TDRP: variants seen among roughly 807,000 people sequenced by gnomAD.
TDRP encodes testis development-related protein.
TDRP carries 12 observed loss-of-function variants against 10.5 expected under a neutral mutation model. The observed-to-expected ratio is 1.15, with a 90% CI of 0.73 to 1.86. The LOEUF (loss-of-function observed/expected upper bound fraction) is 1.86, where lower values mean the gene tolerates loss of function less well. Ranked by LOEUF, TDRP falls within the 40% of genes most tolerant of loss-of-function variation. TDRP has a pLI of 0.00. For synonymous variants in TDRP, 139 were observed against 95.4 expected (o/e 1.46, Z -2.67); for missense variants, 353 against 229.2 (o/e 1.54, Z -3.49).
At chr8:506,666 A>C (rs1486998892) in intron 1 of TDRP, among the ~76,000 whole-genome samples, 2 of 152,208 alleles carry the variant, frequency 1.3e-5, no homozygotes, top group East Asian at 3.9e-4. Flanking sequence ...CAGTTCCCAG[A>C]GCAGGACTGT....
chr8:511,791 C>T lies in TDRP; in HGVS notation c.109-17194G>A, dbSNP rs533981299. 2.0e-5 allele frequency among the ~76,000 whole-genome samples: 3 copies of T among 151,800 alleles called. No individual in the cohort carries two copies. In the East Asian group the frequency reaches 5.8e-4, roughly 29 times the overall value. ...AATTAGAAATGAGGCAGGAAAAACT[C>T]TCAAATATGTGGAAATTTTAAAACT... is the stretch of plus-strand genomic sequence containing the variant. On this transcript the variant is annotated intron_variant, in intron 1 of 2. Transcript: ENST00000324079.
At chr8:544,838 T>G, upstream of TDRP, 5 of 1,030,086 alleles carry the variant, frequency 4.9e-6, no homozygotes, top group Non-Finnish European at 5.0e-6. Flanking sequence ...ACGCTCTGCC[T>G]GCGGCTCCTG....
intron 1 of TDRP, among the ~76,000 whole-genome samples, chr8:508,703 C>A (rs932803511): frequency 6.6e-6 from 1 of 152,152 alleles, no homozygotes; most frequent in Non-Finnish European, 1.5e-5. Context: ...TCATTCCACC[C>A]CTGGCCCCTC....
At chr8:526,032 T>C (rs933995200) in intron 1 of TDRP, among the ~76,000 whole-genome samples, 1 of 152,218 alleles carries the variant, frequency 6.6e-6, no homozygotes, top group Non-Finnish European at 1.5e-5. Context: ...CTTCACAGGT[T>C]GTATGTATTT....
chr8:527,595 A>G (rs1802066617), intron 1 of TDRP, among the ~76,000 whole-genome samples: 1 of 152,186 alleles, frequency 6.6e-6, no homozygotes, highest in African/African-American at 2.4e-5. Context: ...ACCCAGAAAC[A>G]AATCCATACA....
intron 1 of TDRP, among the ~76,000 whole-genome samples, chr8:501,535 T>C (rs1026492648): frequency 2.6e-5 from 4 of 152,020 alleles, no homozygotes; most frequent in Admixed American, 6.5e-5. Context: ...TTAGTAAAGA[T>C]AGGGTTTCAC....
At chr8:527,740 T>C (rs1166887165) in intron 1 of TDRP, among the ~76,000 whole-genome samples, 1 of 152,112 alleles carries the variant, frequency 6.6e-6, no homozygotes, top group African/African-American at 2.4e-5. Context: ...TTTCTCACCA[T>C]ACACACACAC....
In TDRP at chr8:520,476, C is replaced by G. The variant is rs545300491; in HGVS notation, c.108+24174G>C. On this transcript the variant is annotated intron_variant, in intron 1 of 2. Transcript: ENST00000324079. ...GGATATATACACAGAAGTGGGATGGCTGAAACATATAATTCTATTTTTAAC... is the reference window on the plus strand; with the variant it reads ...GGATATATACACAGAAGTGGGATGGGTGAAACATATAATTCTATTTTTAAC... Among the ~76,000 whole-genome samples, 18 of 152,290 alleles carry G rather than the reference C, an allele frequency of 1.2e-4. No individual in the cohort carries two copies. In the South Asian group the frequency reaches 3.7e-3, roughly 32 times the overall value.
In TDRP at chr8:490,849, C is replaced by A. The variant is rs1289850310; in HGVS notation, c.*1550G>T. The A allele has an allele frequency of 6.6e-6, 1 of 151,916 alleles. No individual in the cohort carries two copies. Among genetic ancestry groups the A allele is most frequent in the Non-Finnish European group, 1.5e-5 (1 of 67,992 alleles). 9.4% of individuals were successfully genotyped at this position (151,916 alleles called of 1,614,324 possible). A position where few individuals can be genotyped will look rare whatever the true frequency, so the allele number is the denominator to read the frequency against. Reference sequence around the variant, plus strand: ...CACCAATTGAAACATGTCCCCCTTTCAAGACTTGATAAGTAAACTTCTTGT... The same window carrying A: ...CACCAATTGAAACATGTCCCCCTTTAAAGACTTGATAAGTAAACTTCTTGT... On this transcript the variant is annotated 3_prime_UTR_variant, in exon 3 of 3. Coordinates refer to ENST00000324079, the MANE Select transcript of TDRP (RefSeq NM_001384899.1).
intron 1 of TDRP, among the ~76,000 whole-genome samples, chr8:524,429 CAT>C (rs1801984676): frequency 2.0e-5 from 3 of 151,944 alleles, no homozygotes; most frequent in African/African-American, 7.2e-5. Flanking sequence ...TCCAGGAAAA[CAT>C]AACCTCACCA....
At chr8:531,631 T>G (rs1350804191) in intron 1 of TDRP, among the ~76,000 whole-genome samples, 1 of 152,234 alleles carries the variant, frequency 6.6e-6, no homozygotes, top group Non-Finnish European at 1.5e-5. Flanking sequence ...AGTTACAGAC[T>G]GTCTTTTCTC....
intron 1 of TDRP, among the ~76,000 whole-genome samples, chr8:542,366 C>T (rs1802518338): frequency 6.6e-6 from 1 of 151,740 alleles, no homozygotes; most frequent in Non-Finnish European, 1.5e-5. Context: ...CGAGTGAGCC[C>T]TCCCAGGTGA....
chr8:522,604 T>A (rs1470784025), intron 1 of TDRP, among the ~76,000 whole-genome samples: 2 of 152,238 alleles, frequency 1.3e-5, no homozygotes, highest in Admixed American at 1.3e-4. Flanking sequence ...TAATATGCTT[T>A]GCCCCGCACA....
At chr8:512,979 A>C (rs1161327504) in intron 1 of TDRP, among the ~76,000 whole-genome samples, 3 of 152,074 alleles carry the variant, frequency 2.0e-5, no homozygotes, top group African/African-American at 7.2e-5. Context: ...CTCAAAAAAA[A>C]AAAAAACAAG....
At chr8:529,059 G>A (rs755765353) in intron 1 of TDRP, among the ~76,000 whole-genome samples, 8 of 152,124 alleles carry the variant, frequency 5.3e-5, no homozygotes, top group Non-Finnish European at 1.0e-4. Flanking sequence ...GCCTTTTCAT[G>A]TTTTCTGTCT....
intron 1 of TDRP, among the ~76,000 whole-genome samples, chr8:535,520 C>T (rs1433866135): frequency 6.6e-6 from 1 of 152,170 alleles, no homozygotes; most frequent in African/African-American, 2.4e-5. Flanking sequence ...TCTTGACTCA[C>T]TCTGAAATAA....
chr8:532,934 G>C (rs1802245550), intron 1 of TDRP, among the ~76,000 whole-genome samples: 1 of 152,122 alleles, frequency 6.6e-6, no homozygotes, highest in Non-Finnish European at 1.5e-5. Context: ...GCCTAAAACA[G>C]TTACTATCCC....
intron 1 of TDRP, among the ~76,000 whole-genome samples, chr8:515,523 C>T (rs145375532): frequency 1.4e-3 from 215 of 152,244 alleles, no homozygotes; most frequent in Non-Finnish European, 2.6e-3. Flanking sequence ...GCATTTTTGT[C>T]GATCATCATG....
Position 491,930 on chromosome 8 carries a change from T to G in TDRP, c.*469A>C, listed in dbSNP as rs1800988179. 2.6e-6 allele frequency: 3 copies of G among 1,140,574 alleles called. No individual in the cohort carries two copies. Among genetic ancestry groups the G allele is most frequent in the South Asian group, 3.6e-5 (1 of 27,630 alleles). 70.7% of individuals were successfully genotyped at this position (1,140,574 alleles called of 1,614,324 possible). On this transcript the variant is annotated 3_prime_UTR_variant, in exon 3 of 3. Transcript: ENST00000324079. ...TTTAATTTGTCAAGTTAAACAAAAT[T>G]TAACATAACTTTGGAAGATTCATCT...
Sources: allele counts gnomAD v4.1 joint callset (sites outside exome capture counted in the v4.1 genomes callset), GRCh38; gene constraint gnomAD v4.1.1; transcripts MANE v1.5; gene names NCBI Gene and HGNC (gene_info 2026-07-23, HGNC 2026-07-21).